RBMS3: variants seen among roughly 807,000 people sequenced by gnomAD.
RBMS3 encodes RNA-binding motif, single-stranded-interacting protein 3.
Under a neutral mutation model 66.8 loss-of-function variants are expected in RBMS3, and 27 were observed. The ratio of observed to expected loss-of-function variants is 0.40; its 90% CI spans 0.30 to 0.56. The LOEUF (loss-of-function observed/expected upper bound fraction) is 0.56. Among genes scored for constraint, RBMS3 ranks in the 20% least tolerant of loss-of-function variants. RBMS3 has a pLI of 0.40. For missense variants in RBMS3, 513 were observed against 549.5 expected, an observed-to-expected ratio of 0.93 and a Z score of 0.66; for synonymous variants, 188 against 183.0, an observed-to-expected ratio of 1.03 and a Z score of -0.22.
rs1022407464 is a variant in RBMS3, at chr3:29,303,224, G to A, written c.75+21468G>A. ...ACTGAAAGGAGCTTTGAAGTCATCAGGGCCAGCCCTTTCATTGTGAAGTTG... is the reference window on the plus strand; with the variant it reads ...ACTGAAAGGAGCTTTGAAGTCATCAAGGCCAGCCCTTTCATTGTGAAGTTG... On this transcript the variant is annotated intron_variant, in intron 1 of 14. Transcript: ENST00000383767. Among the ~76,000 whole-genome samples, 4 of 152,154 alleles carry A rather than the reference G, an allele frequency of 2.6e-5. No individual in the cohort carries two copies. In the South Asian group the frequency reaches 6.2e-4, roughly 24 times the overall value.
intron 2 of RBMS3, among the ~76,000 whole-genome samples, chr3:29,473,851 C>G (rs34744897): frequency 0.045 from 6,896 of 152,316 alleles, 211 homozygotes; most frequent in East Asian, 0.12. Flanking sequence ...CCGCAAGCGC[C>G]GCGCGCAGCC....
chr3:29,426,290 T>C lies in RBMS3; in HGVS notation c.76-8453T>C, dbSNP rs1375078039. 7.9e-5 allele frequency among the ~76,000 whole-genome samples: 12 copies of C among 152,226 alleles called. No individual in the cohort carries two copies. The East Asian group carries it at 9.6e-4, about 12-fold the overall frequency. ...AACTGATAATCTTTATAAAACTCCA[T>C]TGATGTCATTTATAGCACCACTTTT... On this transcript the variant is annotated intron_variant, in intron 1 of 14. Transcript: ENST00000383767.
At chr3:29,988,051 C>T in intron 12 of RBMS3, 92 bp from the exon 13 acceptor site, 1 of 1,010,370 alleles carries the variant, frequency 9.9e-7, no homozygotes, top group Non-Finnish European at 1.5e-6. Flanking sequence ...GGCTATGGGC[C>T]CCATAGCTAA....
chr3:29,305,037 T>TC (rs2033917760), intron 1 of RBMS3, among the ~76,000 whole-genome samples: 1 of 151,914 alleles, frequency 6.6e-6, no homozygotes, highest in Non-Finnish European at 1.5e-5. Context: ...TCTTTCATAT[T>TC]CCAGTCACGA....
chr3:29,320,816 C>T (rs1205587111), intron 1 of RBMS3, among the ~76,000 whole-genome samples: 1 of 151,728 alleles, frequency 6.6e-6, no homozygotes, highest in African/African-American at 2.4e-5. Context: ...GATAAAAATA[C>T]TCCTTAATAG....
At chr3:29,847,652 T>TA (rs1322593082) in intron 6 of RBMS3, among the ~76,000 whole-genome samples, 1 of 151,972 alleles carries the variant, frequency 6.6e-6, no homozygotes, top group Non-Finnish European at 1.5e-5. Flanking sequence ...TTTATTTTTT[T>TA]TTTTTTATTT....
chr3:29,493,384 C>G (rs1203785907), intron 3 of RBMS3, among the ~76,000 whole-genome samples: 1 of 152,162 alleles, frequency 6.6e-6, no homozygotes, highest in Non-Finnish European at 1.5e-5. Flanking sequence ...GTAAATTAGT[C>G]AACTGCACTG....
intron 4 of RBMS3, among the ~76,000 whole-genome samples, chr3:29,639,518 T>A (rs1361343931): frequency 1.3e-5 from 2 of 151,008 alleles, no homozygotes; most frequent in Non-Finnish European, 3.0e-5. Context: ...TGTACTAAGA[T>A]GAGAAAATGT....
chr3:29,922,472 C>G (rs10440102), intron 10 of RBMS3, among the ~76,000 whole-genome samples: 2 of 122,778 alleles, frequency 1.6e-5, no homozygotes, highest in African/African-American at 3.1e-5. Context: ...CCGGCCTGGG[C>G]GACAGAGCGA....
At chr3:29,662,540 A>G (rs1280740062) in intron 4 of RBMS3, among the ~76,000 whole-genome samples, 1 of 152,220 alleles carries the variant, frequency 6.6e-6, no homozygotes, top group Non-Finnish European at 1.5e-5. Flanking sequence ...AAAGTTAGTG[A>G]CAGAGCCAAC....
chr3:29,601,887 A>G (rs2048157423), intron 4 of RBMS3, among the ~76,000 whole-genome samples: 2 of 152,094 alleles, frequency 1.3e-5, no homozygotes, highest in Admixed American at 6.6e-5. Flanking sequence ...ATGAGTGAGC[A>G]TAGGCTGTGA....
intron 2 of RBMS3, among the ~76,000 whole-genome samples, chr3:29,460,191 T>C (rs2042327187): frequency 6.6e-6 from 1 of 152,228 alleles, no homozygotes; most frequent in Non-Finnish European, 1.5e-5. Flanking sequence ...AGAAATATGT[T>C]CACCATCCCA....
At chr3:29,528,010 G>C (rs1414096881) in intron 3 of RBMS3, among the ~76,000 whole-genome samples, 1 of 151,288 alleles carries the variant, frequency 6.6e-6, no homozygotes, top group Non-Finnish European at 1.5e-5. Context: ...AAATACTCAA[G>C]CACTGCACTG....
intron 1 of RBMS3, among the ~76,000 whole-genome samples, chr3:29,393,198 G>T (rs1237049228): frequency 2.0e-5 from 3 of 152,110 alleles, no homozygotes; most frequent in Non-Finnish European, 4.4e-5. Context: ...CTATTATAAG[G>T]TCCATTCTGT....
At chr3:29,315,690 T>C (rs1035342289) in intron 1 of RBMS3, among the ~76,000 whole-genome samples, 2 of 151,766 alleles carry the variant, frequency 1.3e-5, no homozygotes, top group Non-Finnish European at 2.9e-5. Context: ...ACTAAGATTG[T>C]TTCCAATTTT....
At chr3:29,732,993 A>G (rs553296723) in intron 4 of RBMS3, among the ~76,000 whole-genome samples, 1 of 152,112 alleles carries the variant, frequency 6.6e-6, no homozygotes, top group African/African-American at 2.4e-5. Context: ...TATTTTTTGG[A>G]ATAATAACTC....
chr3:29,628,597 T>C (rs906889800), intron 4 of RBMS3, among the ~76,000 whole-genome samples: 9 of 152,172 alleles, frequency 5.9e-5, no homozygotes, highest in African/African-American at 9.7e-5. Context: ...TCATTATATA[T>C]GTAACTTTTA....
At chr3:29,959,164 G>A (rs1458135396) in intron 12 of RBMS3, among the ~76,000 whole-genome samples, 1 of 152,184 alleles carries the variant, frequency 6.6e-6, no homozygotes, top group African/African-American at 2.4e-5. Context: ...CTCTGAAGCT[G>A]TCTTACCATC....
At chr3:29,547,012 G>A (rs576572259) in intron 3 of RBMS3, among the ~76,000 whole-genome samples, 15 of 152,072 alleles carry the variant, frequency 9.9e-5, no homozygotes, top group Non-Finnish European at 1.8e-4. Context: ...GGTCCCACTG[G>A]TCACCCAGGC....
Sources: gnomAD v4.1 joint callset for allele counts (sites outside exome capture counted in the v4.1 genomes callset) on GRCh38, gnomAD v4.1.1 for gene constraint, MANE v1.5 for transcripts, NCBI Gene and HGNC (gene_info 2026-07-23, HGNC 2026-07-21) for gene names.